The following KANSL1 variants were observed in gnomAD, a reference collection of about 807,000 sequenced individuals.
The protein encoded by KANSL1 is KAT8 regulatory NSL complex subunit 1.
KANSL1 carries 22 observed loss-of-function variants against 103.6 expected under a neutral mutation model. That is an observed-to-expected ratio of 0.21 (90% CI 0.15 to 0.30). KANSL1 has a LOEUF of 0.30. Among genes scored for constraint, KANSL1 ranks in the 10% least tolerant of loss-of-function variants. KANSL1 has a pLI of 1.00. For synonymous variants in KANSL1, 600 were observed against 527.6 expected (o/e 1.14, Z -1.88); for missense variants, 1,337 against 1,399.8 (o/e 0.96, Z 0.72).
At chr17:46,076,067 T>C (rs898404568) in intron 4 of KANSL1, among the ~76,000 whole-genome samples, 1 of 152,264 alleles carries the variant, frequency 6.6e-6, no homozygotes, top group Non-Finnish European at 1.5e-5. Flanking sequence ...AATTAGCTTT[T>C]ACTAACTTTC....
intron 2 of KANSL1, among the ~76,000 whole-genome samples, chr17:46,137,206 T>C (rs1597766678): frequency 2.6e-5 from 4 of 152,362 alleles, no homozygotes. Context: ...ACCTTGTCCC[T>C]TTCTACCCTA....
chr17:46,092,117 G>A (rs1170712711), intron 3 of KANSL1, among the ~76,000 whole-genome samples: 1 of 152,204 alleles, frequency 6.6e-6, no homozygotes, highest in Non-Finnish European at 1.5e-5. Context: ...TTACAGGCGT[G>A]AGCCACTGCG....
chr17:46,095,160 T>C (rs1222224540), intron 2 of KANSL1, among the ~76,000 whole-genome samples: 1 of 152,194 alleles, frequency 6.6e-6, no homozygotes, highest in Non-Finnish European at 1.5e-5. Context: ...CCAACAAAAC[T>C]AATGATATAT....
intron 1 of KANSL1, among the ~76,000 whole-genome samples, chr17:46,182,589 T>A (rs1266297194): frequency 1.3e-5 from 2 of 152,262 alleles, no homozygotes; most frequent in African/African-American, 4.8e-5. Context: ...GAATCATTCC[T>A]GAGTGCAGGA....
intron 3 of KANSL1, among the ~76,000 whole-genome samples, chr17:46,086,070 A>C (rs1250976754): frequency 6.6e-6 from 1 of 152,260 alleles, no homozygotes; most frequent in Non-Finnish European, 1.5e-5. Context: ...TTTTTTTCCT[A>C]ACAGGAAAAT....
At chr17:46,064,604 G>T (rs1011041530) in intron 6 of KANSL1, among the ~76,000 whole-genome samples, 1 of 152,076 alleles carries the variant, frequency 6.6e-6, no homozygotes, top group Non-Finnish European at 1.5e-5. Context: ...GATCCTGTCT[G>T]TAACAACTGA....
rs545788657 is a variant in KANSL1, at chr17:46,213,112, CCAT to C, written c.-90+10556_-90+10558del. Among the ~76,000 whole-genome samples the C allele has an allele frequency of 5.4e-3, 813 of 150,014 alleles. 1 individual carries two copies. The highest frequency in any genetic ancestry group is 8.2e-3 in the Non-Finnish European group (550 of 67,392). The stretch of plus-strand genomic sequence containing the variant: ...CCTGCTGACAGATAAATTACCACCA[CCAT>C]CAAGTGCCCAGTAAAAAAAAGTGAG... On this transcript the variant is annotated intron_variant, in intron 1 of 14. Transcript: ENST00000572904.
At chr17:46,181,711 C>A (rs1186434953) in intron 1 of KANSL1, among the ~76,000 whole-genome samples, 2 of 152,220 alleles carry the variant, frequency 1.3e-5, no homozygotes, top group African/African-American at 4.8e-5. Flanking sequence ...GAATTACAGG[C>A]ATGAGCCACC....
chr17:46,182,813 C>A (rs931105361), intron 1 of KANSL1, among the ~76,000 whole-genome samples: 1 of 152,188 alleles, frequency 6.6e-6, no homozygotes, highest in Non-Finnish European at 1.5e-5. Context: ...AATGCTAAAG[C>A]CGATGCTTTT....
At chr17:46,118,809 A>G (rs1567696009) in intron 2 of KANSL1, among the ~76,000 whole-genome samples, 1 of 152,208 alleles carries the variant, frequency 6.6e-6, no homozygotes, top group South Asian at 2.1e-4. Context: ...GCTTCCCTCT[A>G]TCAGAGGTGG....
chr17:46,195,840 TATGAA>T (rs1483129181), upstream of KANSL1, among the ~76,000 whole-genome samples: 1 of 152,208 alleles, frequency 6.6e-6, no homozygotes, highest in Non-Finnish European at 1.5e-5. Flanking sequence ...ACAAAAATCT[TATGAA>T]GAGAAACAAA....
chr17:46,067,517 T>C (rs766901409), intron 5 of KANSL1, 32 bp downstream of exon 5: 5 of 1,284,710 alleles, frequency 3.9e-6, no homozygotes, highest in Non-Finnish European at 5.7e-6. Flanking sequence ...ACAAGTCTAC[T>C]AAGTGTAGGA....
At chr17:46,186,755 GTCTC>G (rs1332763669) in intron 1 of KANSL1, among the ~76,000 whole-genome samples, 1 of 152,152 alleles carries the variant, frequency 6.6e-6, no homozygotes, top group Non-Finnish European at 1.5e-5. Flanking sequence ...TTGAGACGAA[GTCTC>G]TCTCTGTCGC....
chr17:46,101,450 A>G (rs2042309265), intron 2 of KANSL1, among the ~76,000 whole-genome samples: 1 of 152,180 alleles, frequency 6.6e-6, no homozygotes, highest in South Asian at 2.1e-4. Context: ...TATGTATTAG[A>G]TAAGAATAAC....
intron 2 of KANSL1, among the ~76,000 whole-genome samples, chr17:46,117,878 T>G (rs1186323859): frequency 6.6e-6 from 1 of 152,224 alleles, no homozygotes; most frequent in Non-Finnish European, 1.5e-5. Context: ...AGAAATACAC[T>G]ACTAAATCAA....
intron 2 of KANSL1, among the ~76,000 whole-genome samples, chr17:46,131,437 T>C (rs2043856018): frequency 6.6e-6 from 1 of 152,250 alleles, no homozygotes; most frequent in Non-Finnish European, 1.5e-5. Flanking sequence ...CATACCTTAA[T>C]TGTGCAAAAG....
intron 1 of KANSL1, among the ~76,000 whole-genome samples, chr17:46,184,805 T>C (rs918585360): frequency 3.7e-4 from 56 of 151,986 alleles, no homozygotes; most frequent in African/African-American, 1.3e-3. Flanking sequence ...ACTCACAATT[T>C]TGTCTTGTCT....
intron 1 of KANSL1, among the ~76,000 whole-genome samples, chr17:46,174,331 C>T (rs577167135): frequency 3.3e-5 from 5 of 152,148 alleles, no homozygotes; most frequent in African/African-American, 1.2e-4. Context: ...ACTACAGGCA[C>T]GTGCCACCAC....
intron 2 of KANSL1, among the ~76,000 whole-genome samples, chr17:46,105,403 G>A (rs2042488230): frequency 6.6e-6 from 1 of 152,060 alleles, no homozygotes; most frequent in African/African-American, 2.4e-5. Context: ...GATGACTTGA[G>A]GTCAGGAGTT....
Sources: allele counts gnomAD v4.1 joint callset (sites outside exome capture counted in the v4.1 genomes callset), GRCh38; gene constraint gnomAD v4.1.1; transcripts MANE v1.5; gene names NCBI Gene and HGNC (gene_info 2026-07-23, HGNC 2026-07-21).